ANXA4: variants seen among roughly 807,000 people sequenced by gnomAD.
ANXA4 encodes 35-beta calcimedin.
A neutral mutation model predicts 49.8 loss-of-function variants in ANXA4; 39 were observed. The ratio of observed to expected loss-of-function variants is 0.78; its 90% CI spans 0.61 to 1.02. The LOEUF (loss-of-function observed/expected upper bound fraction) is 1.02, where lower values mean the gene tolerates loss of function less well. Among genes scored for constraint, ANXA4 ranks in the 50% least tolerant of loss-of-function variants. The probability of loss-of-function intolerance (pLI) is 0.00; values close to 1 mark genes in which losing one functional copy is unlikely to be tolerated. For missense variants in ANXA4, 360 were observed against 410.1 expected (o/e 0.88, Z 1.05); for synonymous variants, 134 against 152.5 (o/e 0.88, Z 0.89).
At chr2:69,802,494 C>G (rs1285667553) in intron 3 of ANXA4, among the ~76,000 whole-genome samples, 2 of 152,074 alleles carry the variant, frequency 1.3e-5, no homozygotes, top group Non-Finnish European at 2.9e-5. Flanking sequence ...GGGCAGAGCA[C>G]AAGGTCAAAA....
intron 1 of ANXA4, among the ~76,000 whole-genome samples, chr2:69,770,944 AT>A (rs1310818314): frequency 1.3e-5 from 2 of 150,802 alleles, no homozygotes; most frequent in Non-Finnish European, 3.0e-5. Context: ...AAAAAAAAAA[AT>A]TAGCTGGGCG....
chr2:69,748,302 C>T (rs1019818604), intron 1 of ANXA4, among the ~76,000 whole-genome samples: 5 of 151,758 alleles, frequency 3.3e-5, no homozygotes, highest in Non-Finnish European at 7.4e-5. Context: ...TGGTGTGAAC[C>T]CGGGAGGCAG....
At chr2:69,723,284 G>T (rs926364319) in intron 3 of ANXA4, among the ~76,000 whole-genome samples, 1 of 151,864 alleles carries the variant, frequency 6.6e-6, no homozygotes, top group Non-Finnish European at 1.5e-5. Flanking sequence ...TTCAGGGGGA[G>T]GTAAAAGCTA....
chr2:69,770,309 ACAGT>A (rs1671656402), intron 1 of ANXA4, among the ~76,000 whole-genome samples: 1 of 152,250 alleles, frequency 6.6e-6, no homozygotes, highest in South Asian at 2.1e-4. Context: ...TATTTCATAG[ACAGT>A]TTTGAAAGCC....
At position 69,806,421 on chromosome 2, in the gene ANXA4, A is replaced by G. The variant is rs1247502453; in HGVS notation, c.229A>G (p.Asn77Asp). 6.2e-7 allele frequency: 1 copy of G among 1,614,034 alleles called. No homozygotes were observed. The highest frequency in any genetic ancestry group is 8.5e-7 in the Non-Finnish European group (1 of 1,180,004). ...CGACCTGAAGTCAGAACTGAGTGGC[A>G]ACTTCGAGCAGGTGATTGTGGGGAT... Reference protein sequence around the residue: ...IDDLKSELSGNFEQVIVGMMT... With the variant: ...IDDLKSELSGDFEQVIVGMMT... The change falls in exon 5 of 13, where the codon AAC (asparagine) becomes GAC (aspartate). Residue 77 changes from asparagine to aspartate, a missense_variant. By Grantham distance (23) the Asn-to-Asp change is conservative (BLOSUM62 1). Coordinates refer to ENST00000394295, the MANE Select transcript of ANXA4 (RefSeq NM_001153.5).
chr2:69,712,840 A>G (rs765391033), intron 2 of ANXA4, among the ~76,000 whole-genome samples: 4 of 152,192 alleles, frequency 2.6e-5, no homozygotes, highest in Non-Finnish European at 4.4e-5. Context: ...TTGTGAAGAT[A>G]TCACCTAAAT....
intron 3 of ANXA4, among the ~76,000 whole-genome samples, chr2:69,729,440 G>A (rs888281642): frequency 1.3e-5 from 2 of 152,224 alleles, no homozygotes; most frequent in African/African-American, 2.4e-5. Context: ...GTAACATAGA[G>A]CAGTGGTTCT....
At position 69,810,550 on chromosome 2, in the gene ANXA4, C is replaced by T. The variant is rs182231712; in HGVS notation, c.398-44C>T. 3 of 1,542,388 alleles carry T rather than the reference C, an allele frequency of 1.9e-6. No individual in the cohort carries two copies. The Admixed American group carries it at 5.0e-5, about 26-fold the overall frequency. The stretch of plus-strand genomic sequence containing the variant: ...CTCTGGAGTGTGACAGGGCATTGGG[C>T]AAGACTCTTAATTCTGAAGTAGCTA... On this transcript the variant is annotated intron_variant, in intron 6 of 12. Coordinates refer to ENST00000394295, the MANE Select transcript of ANXA4 (RefSeq NM_001153.5).
chr2:69,700,008 C>A (rs568322153), intron 2 of ANXA4, among the ~76,000 whole-genome samples: 4 of 152,030 alleles, frequency 2.6e-5, no homozygotes, highest in African/African-American at 9.6e-5. Flanking sequence ...AAAGTGAGCA[C>A]CCAGAGAGAA....
intron 2 of ANXA4, among the ~76,000 whole-genome samples, chr2:69,686,122 T>C (rs1050712819): frequency 6.6e-6 from 1 of 152,214 alleles, no homozygotes; most frequent in Non-Finnish European, 1.5e-5. Flanking sequence ...TGTAGGCTTA[T>C]GTAATTTAAC....
chr2:69,749,701 G>A (rs530669785), intron 1 of ANXA4, among the ~76,000 whole-genome samples: 162 of 151,954 alleles, frequency 1.1e-3, no homozygotes, highest in Non-Finnish European at 1.9e-3. Context: ...GAGGCAGGCG[G>A]ATCACTTGAG....
At chr2:69,777,974 A>G (rs551257222) in intron 1 of ANXA4, among the ~76,000 whole-genome samples, 8 of 152,356 alleles carry the variant, frequency 5.3e-5, no homozygotes, top group African/African-American at 1.7e-4. Flanking sequence ...TTGTAGCTTG[A>G]AAGTAGCCAC....
chr2:69,781,316 C>A, intron 1 of ANXA4: 6 of 589,546 alleles, frequency 1.0e-5, no homozygotes, highest in Non-Finnish European at 1.5e-5. Context: ...AAATATTTTA[C>A]CAGTGTGATA....
At chr2:69,746,265 C>T (rs1011121442) in intron 1 of ANXA4, among the ~76,000 whole-genome samples, 1 of 152,168 alleles carries the variant, frequency 6.6e-6, no homozygotes, top group Non-Finnish European at 1.5e-5. Flanking sequence ...CCGCCTCGGC[C>T]TCCCAAAGTG....
At chr2:69,663,055 T>A (rs920448702) in intron 2 of ANXA4, among the ~76,000 whole-genome samples, 1 of 144,886 alleles carries the variant, frequency 6.9e-6, no homozygotes, top group African/African-American at 2.5e-5. Context: ...TGCAGTCGCA[T>A]GATCTCCACT....
rs191220202 is a variant in ANXA4, at chr2:69,687,958, C to T, written n.767-32816C>T. 5.9e-5 allele frequency among the ~76,000 whole-genome samples: 9 copies of T among 152,314 alleles called. No homozygotes were observed. In the East Asian group the frequency reaches 1.5e-3, roughly 26 times the overall value. On this transcript the variant is annotated intron_variant and non_coding_transcript_variant, in intron 2 of 3. Transcript: ENST00000418066. ...TAAGAGCATTTTGAAAATATACCCA[C>T]AATACTTTTATCACACTTAAGAAAT...
At chr2:69,666,651 A>G (rs772469881) in intron 2 of ANXA4, among the ~76,000 whole-genome samples, 2 of 152,262 alleles carry the variant, frequency 1.3e-5, no homozygotes, top group Non-Finnish European at 2.9e-5. Context: ...ATATTATTCT[A>G]CAATGAAAAA....
At chr2:69,695,150 GAAAA>G (rs529916549) in intron 2 of ANXA4, among the ~76,000 whole-genome samples, 3 of 140,192 alleles carry the variant, frequency 2.1e-5, no homozygotes, top group African/African-American at 7.8e-5. Flanking sequence ...TCTCAAAAAA[GAAAA>G]AAAAAAAGTA....
At chr2:69,714,924 C>G (rs1678826656) in intron 2 of ANXA4, among the ~76,000 whole-genome samples, 1 of 152,194 alleles carries the variant, frequency 6.6e-6, no homozygotes, top group African/African-American at 2.4e-5. Flanking sequence ...GTCCTCCCTC[C>G]AGGGTGACAC....
Sources: allele counts gnomAD v4.1 joint callset (sites outside exome capture counted in the v4.1 genomes callset), GRCh38; gene constraint gnomAD v4.1.1; transcripts MANE v1.5; gene names NCBI Gene and HGNC (gene_info 2026-07-23, HGNC 2026-07-21).